The following ATP1A4 variants were observed in gnomAD, a reference collection of about 807,000 sequenced individuals.
ATP1A4 encodes ATPase Na+/K+ transporting subunit alpha 4, also known as sodium/potassium-transporting ATPase subunit alpha-4.
In ATP1A4, 90 loss-of-function variants were observed where a neutral mutation model predicts 114.3. That is an observed-to-expected ratio of 0.79 (90% CI 0.66 to 0.94). The LOEUF (loss-of-function observed/expected upper bound fraction) is 0.94. Among genes scored for constraint, ATP1A4 ranks in the 40% least tolerant of loss-of-function variants. ATP1A4 has a pLI of 0.00. For synonymous variants in ATP1A4, 511 were observed against 494.1 expected (o/e 1.03, Z -0.45); for missense variants, 1,222 against 1,313.6 (o/e 0.93, Z 1.08).
intron 4 of ATP1A4, among the ~76,000 whole-genome samples, chr1:160,158,159 G>A (rs1478711659): frequency 6.6e-6 from 1 of 152,190 alleles, no homozygotes; most frequent in Non-Finnish European, 1.5e-5. Context: ...GCAAGCTCCT[G>A]TTTCTCATAA....
Position 160,176,344 on chromosome 1 carries a change from C to T in ATP1A4, c.2466+98C>T. 4 of 1,584,938 alleles carry T rather than the reference C, an allele frequency of 2.5e-6. No individual in the cohort carries two copies. In the South Asian group the frequency reaches 4.5e-5, roughly 18 times the overall value. On this transcript the variant is annotated intron_variant, in intron 16 of 21. Coordinates refer to ENST00000368081, the MANE Select transcript of ATP1A4 (RefSeq NM_144699.4). ...TATCTTACTAAAACTCATGACAACC[C>T]ACTTATGATCCAGCTCTCGCACCTC...
At chr1:160,154,844 A>G (rs1652578107) in intron 2 of ATP1A4, among the ~76,000 whole-genome samples, 1 of 152,160 alleles carries the variant, frequency 6.6e-6, no homozygotes, top group Non-Finnish European at 1.5e-5. Context: ...AAACCTTCCT[A>G]TGTAAGCATG....
At chr1:160,161,524 G>A (rs570596222) in intron 6 of ATP1A4, among the ~76,000 whole-genome samples, 14 of 152,162 alleles carry the variant, frequency 9.2e-5, no homozygotes, top group South Asian at 4.1e-4. Flanking sequence ...ATTAAATCCC[G>A]TTTCTCCAAG....
intron 20 of ATP1A4, among the ~76,000 whole-genome samples, chr1:160,184,141 C>T (rs1293707291): frequency 1.3e-5 from 2 of 152,040 alleles, no homozygotes; most frequent in South Asian, 2.1e-4. Flanking sequence ...TTAGTAGAGA[C>T]GGGGTTTCTT....
In ATP1A4 at chr1:160,168,377, C is replaced by CTTTTTT. The variant is rs11397218; in HGVS notation, c.1491+982_1491+987dup. On this transcript the variant is annotated intron_variant, in intron 10 of 21. Transcript: ENST00000368081. The stretch of plus-strand genomic sequence containing the variant: ...ATGAGACTCCCAAGTCTGCTGGTAT[C>CTTTTTT]TTTTTTTTTTTTTTTTTTTTTTGAG... Among the ~76,000 whole-genome samples the CTTTTTT allele has an allele frequency of 4.5e-4, 44 of 97,052 alleles. 1 individual carries two copies. The highest frequency in any genetic ancestry group is 1.7e-3 in the South Asian group (4 of 2,370). 63.7% of individuals were successfully genotyped at this position (97,052 alleles called of 152,430 possible).
At chr1:160,184,180 T>C (rs1475044597) in intron 20 of ATP1A4, among the ~76,000 whole-genome samples, 1 of 152,042 alleles carries the variant, frequency 6.6e-6, no homozygotes, top group African/African-American at 2.4e-5. Context: ...CTCGAACTCC[T>C]GACCTTGTGA....
At position 160,171,642 on chromosome 1, in the gene ATP1A4, A is replaced by C; in HGVS notation, c.1739A>C (p.Asp580Ala). The C allele has an allele frequency of 6.2e-7, 1 of 1,614,162 alleles. No individual in the cohort carries two copies. The highest frequency in any genetic ancestry group is 1.1e-5 in the South Asian group (1 of 91,074). Residue 580 changes from aspartate (D) to alanine (A), a missense_variant, in exon 12 of 22, where the codon GAT (aspartate) becomes GCT (alanine). Transcript: ENST00000368081. ...TCCAAGGGATTCCCATTTAATACAG[A>C]TGAAATAAATTTCCCCATGGACAAC... ...SFSKGFPFNT[D>A]EINFPMDNLC...
intron 17 of ATP1A4, 34 bp from the exon 18 acceptor site, chr1:160,177,485 A>T: frequency 6.2e-7 from 1 of 1,610,272 alleles, no homozygotes. Flanking sequence ...TCTCTGAACC[A>T]GGCTCCCCTG....
chr1:160,165,498 A>G (rs567676873), intron 7 of ATP1A4, among the ~76,000 whole-genome samples: 71 of 152,292 alleles, frequency 4.7e-4, no homozygotes, highest in South Asian at 3.9e-3. Context: ...GGTGGCTCAC[A>G]CCTGTAATCC....
In ATP1A4 at chr1:160,166,740, T is replaced by C. The variant is rs377190784; in HGVS notation, c.1246+14T>C. The C allele has an allele frequency of 3.7e-6, 6 of 1,613,966 alleles. No individual in the cohort carries two copies. The highest frequency in any genetic ancestry group is 5.1e-6 in the Non-Finnish European group (6 of 1,179,990). Reference sequence around the variant, plus strand: ...AAGAACAGACTGGTGACTAGTGGTATTGGTGGAACAAGAGTGGAGGGATTT... The same window carrying C: ...AAGAACAGACTGGTGACTAGTGGTACTGGTGGAACAAGAGTGGAGGGATTT... On this transcript the variant is annotated intron_variant, in intron 8 of 21. Coordinates refer to ENST00000368081, the MANE Select transcript of ATP1A4 (RefSeq NM_144699.4).
In ATP1A4 at chr1:160,174,675, G is replaced by A. The variant is rs767194862; in HGVS notation, c.2239G>A (p.Val747Ile). Reference protein sequence around the residue: ...GIAMGISGSDVSKQAADMILL... With the variant: ...GIAMGISGSDISKQAADMILL... ...TGCCATGGGCATCTCTGGCTCTGAC[G>A]TCTCTAAGCAGGCAGCCGACATGAT... Residue 747 changes from valine (V) to isoleucine (I), a missense_variant, in exon 15 of 22, where the codon GTC (valine) becomes ATC (isoleucine). Coordinates refer to ENST00000368081, the MANE Select transcript of ATP1A4 (RefSeq NM_144699.4). 1.0e-4 allele frequency: 168 copies of A among 1,614,052 alleles called. 1 individual carries two copies. The highest frequency in any genetic ancestry group is 4.6e-4 in the South Asian group (42 of 91,080).
rs137938578 is a variant in ATP1A4 at position 160,178,852 on chromosome 1, G to A, written c.2736+1188G>A. On this transcript the variant is annotated intron_variant, in intron 18 of 21. Transcript: ENST00000368081. ...CAATATGTGTTTAAGAATTTTAGTA[G>A]GTATGCTTTTTTGGTATCTGTGATA... is the stretch of plus-strand genomic sequence containing the variant. Among the ~76,000 whole-genome samples, 23 of 152,290 alleles carry A rather than the reference G, an allele frequency of 1.5e-4. 1 individual carries two copies. The highest frequency in any genetic ancestry group is 5.1e-4 in the African/African-American group (21 of 41,564).
chr1:160,184,387 A>T (rs1653811533), intron 20 of ATP1A4, among the ~76,000 whole-genome samples: 1 of 152,052 alleles, frequency 6.6e-6, no homozygotes, highest in Non-Finnish European at 1.5e-5. Flanking sequence ...CTCAATAAAA[A>T]AATTTAAAAC....
At chr1:160,167,887 G>A (rs960700758) in intron 10 of ATP1A4, among the ~76,000 whole-genome samples, 1 of 152,194 alleles carries the variant, frequency 6.6e-6, no homozygotes, top group African/African-American at 2.4e-5. Flanking sequence ...CAGCGGGTAG[G>A]CGATCAGGAG....
Position 160,155,773 on chromosome 1 carries a change from C to G in ATP1A4, c.412-272C>G, listed in dbSNP as rs551389477. On this transcript the variant is annotated intron_variant, in intron 3 of 21. Transcript: ENST00000368081. Reference sequence around the variant, plus strand: ...TCCCAGCCTCCCTCACAATCCACCCCCTCCATCCAGAGATTAGCCTTCCTG... The same window carrying G: ...TCCCAGCCTCCCTCACAATCCACCCGCTCCATCCAGAGATTAGCCTTCCTG... 2.0e-5 allele frequency among the ~76,000 whole-genome samples: 3 copies of G among 152,154 alleles called. No individual in the cohort carries two copies. In the East Asian group the frequency reaches 5.8e-4, roughly 29 times the overall value.
chr1:160,170,533 G>A (rs1010140819), intron 10 of ATP1A4: 1 of 151,778 alleles, frequency 6.6e-6, no homozygotes, highest in African/African-American at 2.4e-5. Context: ...GGACTGACCT[G>A]AGGTCATAAT....
chr1:160,155,142 A>C lies in ATP1A4; in HGVS notation c.305A>C (p.Lys102Thr), dbSNP rs771691718. Residue 102 changes from lysine to threonine, a missense_variant, in exon 3 of 22, where the codon AAG becomes ACG. Transcript: ENST00000368081. ...PTTPEWVKFC[K>T]QLFGGFSLLL... ...ACTCCAGAATGGGTCAAATTCTGTA[A>C]GCAACTGTTCGGAGGCTTCTCCCTC... The C allele has an allele frequency of 1.9e-6, 3 of 1,613,748 alleles. No homozygotes were observed. In the South Asian group the frequency reaches 3.3e-5, roughly 18 times the overall value.
chr1:160,182,691 G>A (rs1011968832), intron 20 of ATP1A4: 1 of 152,624 alleles, frequency 6.6e-6, no homozygotes, highest in Non-Finnish European at 1.5e-5. Flanking sequence ...TTTATTTTGA[G>A]ATGGAGTTTT....
intron 4 of ATP1A4, 68 bp downstream of exon 4, chr1:160,156,226 T>G: frequency 2.3e-3 from 2,171 of 953,218 alleles, no homozygotes; most frequent in Non-Finnish European, 3.4e-3. Context: ...AATGATGAAG[T>G]CCCGTGGAAA....
Sources: gnomAD v4.1 joint callset for allele counts (sites outside exome capture counted in the v4.1 genomes callset) on GRCh38, gnomAD v4.1.1 for gene constraint, MANE v1.5 for transcripts, NCBI Gene and HGNC (gene_info 2026-07-23, HGNC 2026-07-21) for gene names.